The following ZNF460 variants were observed in gnomAD, a reference collection of about 807,000 sequenced individuals.
ZNF460 encodes zinc finger protein 460.
Under a neutral mutation model 8.4 loss-of-function variants are expected in ZNF460, and 1 was observed. The ratio of observed to expected loss-of-function variants is 0.12; its 90% CI spans 0.04 to 0.56. ZNF460 has a LOEUF of 0.56. Ranked by LOEUF, ZNF460 falls within the 20% of genes least tolerant of loss-of-function variation. The pLI, the probability that ZNF460 is intolerant of heterozygous loss-of-function variation, is 0.91. For missense variants in ZNF460, 477 were observed against 714.8 expected, an observed-to-expected ratio of 0.67 and a Z score of 3.79; for synonymous variants, 262 against 259.9, an observed-to-expected ratio of 1.01 and a Z score of -0.08.
chr19:57,289,599 G>C (rs757925410), intron 2 of ZNF460, among the ~76,000 whole-genome samples: 1 of 152,090 alleles, frequency 6.6e-6, no homozygotes, highest in African/African-American at 2.4e-5. Context: ...TTATGATAGA[G>C]TGTCATCATT....
intron 2 of ZNF460, among the ~76,000 whole-genome samples, chr19:57,288,345 A>G (rs914452354): frequency 3.9e-5 from 6 of 152,128 alleles, no homozygotes; most frequent in African/African-American, 1.4e-4. Context: ...GGCTCATGCT[A>G]CAACGTCCGG....
At position 57,292,732 on chromosome 19, in the gene ZNF460, C is replaced by A. The variant is rs747510641; in HGVS notation, c.*502C>A. The A allele has an allele frequency of 1.9e-4, 30 of 159,422 alleles. No homozygotes were observed. The highest frequency in any genetic ancestry group is 4.0e-4 in the Non-Finnish European group (29 of 71,912). 9.9% of individuals were successfully genotyped at this position (159,422 alleles called of 1,614,324 possible). A position where few individuals can be genotyped will look rare whatever the true frequency, so the allele number is the denominator to read the frequency against. On this transcript the variant is annotated 3_prime_UTR_variant, in exon 3 of 3. Transcript: ENST00000360338. ...TTCAGAAACAAAAGGGCCTCATCCC[C>A]TTTATTTTCCCTGTGTATACATTCA...
chr19:57,282,663 C>T (rs570170471), intron 1 of ZNF460, among the ~76,000 whole-genome samples: 1 of 152,186 alleles, frequency 6.6e-6, no homozygotes, highest in South Asian at 2.1e-4. Context: ...GACCAGAGGG[C>T]CCTGGGCTTA....
At chr19:57,288,656 G>A (rs917496750) in intron 2 of ZNF460, among the ~76,000 whole-genome samples, 2 of 152,158 alleles carry the variant, frequency 1.3e-5, no homozygotes, top group Non-Finnish European at 2.9e-5. Context: ...TGACTCCAGA[G>A]CTACACTCTT....
intron 1 of ZNF460, among the ~76,000 whole-genome samples, chr19:57,281,557 T>A (rs898807335): frequency 8.0e-5 from 4 of 50,290 alleles, no homozygotes; most frequent in African/African-American, 3.8e-4. Context: ...AACCCTGAAA[T>A]TTTTTTTTTT....
chr19:57,280,334 T>G (rs2087826774), upstream of ZNF460: 1 of 161,706 alleles, frequency 6.2e-6, no homozygotes, highest in African/African-American at 2.4e-5. Flanking sequence ...AGGGAAAAAC[T>G]GCATTACCCA....
intron 1 of ZNF460, among the ~76,000 whole-genome samples, chr19:57,281,668 C>T (rs564066219): frequency 2.0e-4 from 29 of 143,664 alleles, no homozygotes; most frequent in Admixed American, 6.8e-4. Context: ...TGGGTTCAAG[C>T]GATTCTCCTG....
chr19:57,280,748 A>G lies in ZNF460; in HGVS notation c.-59A>G, dbSNP rs1224786495. On this transcript the variant is annotated 5_prime_UTR_variant, in exon 1 of 3. Coordinates refer to ENST00000360338, the MANE Select transcript of ZNF460 (RefSeq NM_006635.4). ...AGGCTCGGAGTGCGAAAGTCAGCCGAGGTCGCCCCGCCCAGGACAGAGAAG... is the reference window on the plus strand; with the variant it reads ...AGGCTCGGAGTGCGAAAGTCAGCCGGGGTCGCCCCGCCCAGGACAGAGAAG... 9 of 1,608,398 alleles carry G rather than the reference A, an allele frequency of 5.6e-6. No individual in the cohort carries two copies. The highest frequency in any genetic ancestry group is 7.6e-6 in the Non-Finnish European group (9 of 1,177,308).
Position 57,290,728 on chromosome 19 carries a change from C to T in ZNF460, c.187C>T (p.Pro63Ser). The T allele has an allele frequency of 1.2e-6, 2 of 1,614,140 alleles. No homozygotes were observed. Among genetic ancestry groups the T allele is most frequent in the African/African-American group, 1.3e-5 (1 of 75,058 alleles). ...CAGCACAAAACCTGAGACCGTAGAG[C>T]CTATCCCTTCTCATCTGGCCTTGCC... The part of the protein sequence containing the change: ...GDSTKPETVE[P>S]IPSHLALPEE... The change falls in exon 3 of 3, where the codon CCT becomes TCT. Residue 63 changes from proline to serine, a missense_variant. Coordinates refer to ENST00000360338, the MANE Select transcript of ZNF460 (RefSeq NM_006635.4).
chr19:57,285,956 G>A (rs1006237269), intron 2 of ZNF460, among the ~76,000 whole-genome samples: 3 of 152,160 alleles, frequency 2.0e-5, no homozygotes, highest in South Asian at 4.1e-4. Context: ...TTTGTCAGCT[G>A]TGTGTTCCTG....
At chr19:57,290,145 AAAT>A (rs1239844487) in intron 2 of ZNF460, among the ~76,000 whole-genome samples, 1 of 151,968 alleles carries the variant, frequency 6.6e-6, no homozygotes, top group Non-Finnish European at 1.5e-5. Context: ...ATCTAAAAAA[AAAT>A]AAACAAAAAA....
Position 57,290,735 on chromosome 19 carries a change from C to T in ZNF460, c.194C>T (p.Pro65Leu). The change falls in exon 3 of 3, where the codon CCT becomes CTT. Residue 65 changes from proline to leucine, a missense_variant. By Grantham distance (98) the Pro-to-Leu change is moderately conservative. This residue lies in a region of ZNF460 where 169 missense variants were observed against 178.6 expected (regional missense o/e 0.95). Transcript: ENST00000360338. Reference sequence around the variant, plus strand: ...AAACCTGAGACCGTAGAGCCTATCCCTTCTCATCTGGCCTTGCCTGAGGAA... The same window carrying T: ...AAACCTGAGACCGTAGAGCCTATCCTTTCTCATCTGGCCTTGCCTGAGGAA... ...STKPETVEPIPSHLALPEEVS... is the reference protein window; with the variant it reads ...STKPETVEPILSHLALPEEVS... The T allele has an allele frequency of 1.2e-6, 2 of 1,614,176 alleles. No individual in the cohort carries two copies. The highest frequency in any genetic ancestry group is 2.2e-5 in the East Asian group (1 of 44,880).
Position 57,291,198 on chromosome 19 carries a change from T to C in ZNF460, c.657T>C (p.Thr219=), listed in dbSNP as rs1290035273. The C allele has an allele frequency of 2.5e-6, 4 of 1,614,192 alleles. No homozygotes were observed. Among genetic ancestry groups the C allele is most frequent in the Non-Finnish European group, 3.4e-6 (4 of 1,180,044 alleles). ...TCCTTCAGCATCACATCATCCATAC[T>C]GGGGAGAAGCCCTATAAATGCCTGG... ...KHLLQHHIIH[T]GEKPYKCLEC... is the part of the protein sequence containing the mutation. Residue 219 remains threonine (T), a synonymous_variant, in exon 3 of 3, where the codon ACT becomes ACC. Transcript: ENST00000360338. The surrounding 1 kb of genome is among the most constrained non-coding windows in gnomAD (Gnocchi z 8.4).
intron 2 of ZNF460, among the ~76,000 whole-genome samples, chr19:57,289,568 T>C (rs1045937807): frequency 1.3e-5 from 2 of 152,174 alleles, no homozygotes; most frequent in African/African-American, 4.8e-5. Context: ...TTGTAGCTCC[T>C]TGACATGTTC....
chr19:57,287,250 C>G (rs2087886157), intron 2 of ZNF460, among the ~76,000 whole-genome samples: 1 of 152,108 alleles, frequency 6.6e-6, no homozygotes, highest in East Asian at 1.9e-4. Flanking sequence ...GGTTCATTCT[C>G]AATATGTTGT....
At position 57,293,245 on chromosome 19, in the gene ZNF460, A is replaced by G. The variant is rs566120492; in HGVS notation, c.*1015A>G. The G allele has an allele frequency of 5.9e-5, 9 of 152,228 alleles. No individual in the cohort carries two copies. Among genetic ancestry groups the G allele is most frequent in the African/African-American group, 2.2e-4 (9 of 41,456 alleles). 9.4% of individuals were successfully genotyped at this position (152,228 alleles called of 1,614,324 possible). On this transcript the variant is annotated 3_prime_UTR_variant, in exon 3 of 3. Coordinates refer to ENST00000360338, the MANE Select transcript of ZNF460 (RefSeq NM_006635.4). ...TTTGGAACCAAAAATGAAATAAGAC[A>G]TGTAGCTAAAGTAAGTTAAAAGATT...
intron 2 of ZNF460, 34 bp downstream of exon 2, chr19:57,284,711 G>A (rs200678430): frequency 6.5e-4 from 995 of 1,540,632 alleles, no homozygotes; most frequent in Non-Finnish European, 6.6e-4. Flanking sequence ...AAAATCAGGG[G>A]CACCAGAAAG....
At chr19:57,281,556 ATTTTTTTTT>A (rs71293946) in intron 1 of ZNF460, among the ~76,000 whole-genome samples, 1 of 85,042 alleles carries the variant, frequency 1.2e-5, no homozygotes, top group African/African-American at 4.9e-5. Flanking sequence ...TAACCCTGAA[ATTTTTTTTT>A]TTTTTTTTTT....
chr19:57,283,682 A>C (rs1172148233), intron 1 of ZNF460, among the ~76,000 whole-genome samples: 1 of 150,592 alleles, frequency 6.6e-6, no homozygotes, highest in African/African-American at 2.4e-5. Context: ...TTGTATTTTT[A>C]GTAGAGATGG....
Sources: gnomAD v4.1 joint callset for allele counts (sites outside exome capture counted in the v4.1 genomes callset) on GRCh38, gnomAD v4.1.1 for gene constraint, gnomAD v4.1.1 regional missense constraint, Gnocchi (gnomAD v3.1) non-coding constraint, MANE v1.5 for transcripts, NCBI Gene and HGNC (gene_info 2026-07-23, HGNC 2026-07-21) for gene names.